TNIK: variants seen among roughly 807,000 people sequenced by gnomAD.
The protein encoded by TNIK is TRAF2 and NCK interacting kinase.
TNIK carries 49 observed loss-of-function variants against 191.3 expected under a neutral mutation model. The observed-to-expected ratio is 0.26, with a 90% CI of 0.20 to 0.32. The LOEUF (loss-of-function observed/expected upper bound fraction) is 0.32. Among genes scored for constraint, TNIK ranks in the 10% least tolerant of loss-of-function variants. The pLI, the probability that TNIK is intolerant of heterozygous loss-of-function variation, is 1.00. For missense variants in TNIK, 1,155 were observed against 1,702.3 expected, an observed-to-expected ratio of 0.68 and a Z score of 5.66; for synonymous variants, 594 against 600.9, an observed-to-expected ratio of 0.99 and a Z score of 0.17.
Position 171,122,591 on chromosome 3 carries a change from T to G in TNIK, c.2120+1005A>C, listed in dbSNP as rs572375929. 2.0e-5 allele frequency among the ~76,000 whole-genome samples: 3 copies of G among 152,352 alleles called. No homozygotes were observed. The South Asian group carries it at 6.2e-4, about 32-fold the overall frequency. ...GCTGGGCTGACCCCTTCCCTAAGGC[T>G]TTTCATGTGAAGAGGAAAATTAAAA... On this transcript the variant is annotated intron_variant, in intron 18 of 32. Transcript: ENST00000436636.
intron 2 of TNIK, among the ~76,000 whole-genome samples, chr3:171,343,897 A>G (rs1284135260): frequency 6.6e-6 from 1 of 152,198 alleles, no homozygotes; most frequent in Non-Finnish European, 1.5e-5. Flanking sequence ...TCAGTAAAAC[A>G]AAAGGGGGAG....
chr3:171,184,594 G>A (rs1303150868), intron 7 of TNIK, among the ~76,000 whole-genome samples: 1 of 152,184 alleles, frequency 6.6e-6, no homozygotes, highest in African/African-American at 2.4e-5. Context: ...GAATAGGGAA[G>A]GACCTTTGTT....
intron 2 of TNIK, among the ~76,000 whole-genome samples, chr3:171,235,460 C>T (rs1326984609): frequency 6.6e-6 from 1 of 151,956 alleles, no homozygotes; most frequent in Non-Finnish European, 1.5e-5. Flanking sequence ...CCAAATATCC[C>T]ACTCCTCCCC....
At chr3:171,254,782 C>T (rs114510184) in intron 2 of TNIK, among the ~76,000 whole-genome samples, 90 of 152,214 alleles carry the variant, frequency 5.9e-4, no homozygotes, top group African/African-American at 2.1e-3. Flanking sequence ...AACACAATAG[C>T]GACTCGTTCC....
In TNIK at chr3:171,320,373, C is replaced by T. The variant is rs566813554; in HGVS notation, c.123+49247G>A. On this transcript the variant is annotated intron_variant, in intron 2 of 32. Coordinates refer to ENST00000436636, the MANE Select transcript of TNIK (RefSeq NM_015028.4). ...AAAATGGTCTACAAATAAAAGATTACATCCAGAAGATAAAAAGAAAATACA... is the reference window on the plus strand; with the variant it reads ...AAAATGGTCTACAAATAAAAGATTATATCCAGAAGATAAAAAGAAAATACA... Among the ~76,000 whole-genome samples, 5 of 152,192 alleles carry T rather than the reference C, an allele frequency of 3.3e-5. No homozygotes were observed. In the South Asian group the frequency reaches 8.3e-4, roughly 25 times the overall value.
chr3:171,083,920 C>T (rs1044992937), intron 26 of TNIK, among the ~76,000 whole-genome samples: 2 of 152,104 alleles, frequency 1.3e-5, no homozygotes, highest in Non-Finnish European at 2.9e-5. Flanking sequence ...TATTGTGTGA[C>T]AAGGTTGCTC....
At chr3:171,287,270 T>G (rs1040083590) in intron 2 of TNIK, among the ~76,000 whole-genome samples, 9 of 152,236 alleles carry the variant, frequency 5.9e-5, no homozygotes, top group African/African-American at 2.2e-4. Flanking sequence ...AAGAAAATTT[T>G]CAACTATTAG....
chr3:171,409,604 C>G (rs76690107), intron 1 of TNIK, among the ~76,000 whole-genome samples: 3 of 151,520 alleles, frequency 2.0e-5, no homozygotes, highest in South Asian at 2.1e-4. Flanking sequence ...ATAAACAGAC[C>G]AAAACAAGGC....
At chr3:171,380,905 T>C (rs902954) in intron 1 of TNIK, among the ~76,000 whole-genome samples, 112,400 of 152,210 alleles carry the variant, frequency 0.74, 41,744 homozygotes, top group East Asian at 0.94. Context: ...AGGAGCCCAA[T>C]AATAGCTACC....
chr3:171,416,671 A>T (rs527957856), intron 1 of TNIK, among the ~76,000 whole-genome samples: 16 of 152,190 alleles, frequency 1.1e-4, no homozygotes, highest in African/African-American at 3.4e-4. Context: ...AATCACATAC[A>T]TCTCATCACA....
chr3:171,259,675 T>G (rs550503055), intron 2 of TNIK, among the ~76,000 whole-genome samples: 2 of 152,264 alleles, frequency 1.3e-5, no homozygotes, highest in East Asian at 1.9e-4. Context: ...TAATAGAAAT[T>G]AAGGCAAAAA....
chr3:171,223,660 C>G (rs919045981), intron 3 of TNIK, among the ~76,000 whole-genome samples: 2 of 152,130 alleles, frequency 1.3e-5, no homozygotes, highest in South Asian at 2.1e-4. Context: ...AATCATGGAA[C>G]CTGCTTGGTT....
At chr3:171,370,104 G>A (rs1716289634) in intron 1 of TNIK, among the ~76,000 whole-genome samples, 1 of 152,190 alleles carries the variant, frequency 6.6e-6, no homozygotes, top group Non-Finnish European at 1.5e-5. Context: ...ATTGTGTTGA[G>A]TGAGCCCTGG....
At chr3:171,102,151 T>A (rs924070059) in intron 21 of TNIK, 2 of 152,224 alleles carry the variant, frequency 1.3e-5, no homozygotes, top group African/African-American at 4.8e-5. Context: ...TGGTGTGTCA[T>A]CATTCCCTGG....
At chr3:171,319,377 A>AT (rs1754956113) in intron 2 of TNIK, among the ~76,000 whole-genome samples, 1 of 152,196 alleles carries the variant, frequency 6.6e-6, no homozygotes, top group Admixed American at 6.5e-5. Context: ...GGAATTTAGC[A>AT]TGAAGACAAG....
At chr3:171,432,546 C>T (rs1368504091) in intron 1 of TNIK, among the ~76,000 whole-genome samples, 1 of 152,188 alleles carries the variant, frequency 6.6e-6, no homozygotes. Context: ...GACGGAAAAT[C>T]AGGTTAACTA....
At chr3:171,295,924 A>AT (rs946227792) in intron 2 of TNIK, among the ~76,000 whole-genome samples, 4 of 152,254 alleles carry the variant, frequency 2.6e-5, no homozygotes, top group African/African-American at 9.6e-5. Context: ...AGAGGGCCTA[A>AT]TGCAAGGTCG....
At chr3:171,316,969 ATATGATATATATCATATAAAATATATAAT>A (rs1754690133) in intron 2 of TNIK, among the ~76,000 whole-genome samples, 1 of 139,260 alleles carries the variant, frequency 7.2e-6, no homozygotes, top group Non-Finnish European at 1.5e-5. Context: ...ATATATAATT[ATATGATATATATCATATAAAATATATAAT>A]TATATGATAT....
In TNIK at chr3:171,059,589, G is replaced by A. The variant is rs1351871255; in HGVS notation, c.*4292C>T. Among the ~76,000 whole-genome samples the A allele has an allele frequency of 6.6e-6, 1 of 152,036 alleles. No homozygotes were observed. The highest frequency in any genetic ancestry group is 1.5e-5 in the Non-Finnish European group (1 of 68,002). On this transcript the variant is annotated 3_prime_UTR_variant, in exon 33 of 33. Coordinates refer to ENST00000436636, the MANE Select transcript of TNIK (RefSeq NM_015028.4). ...TCTCAAGAGGTTTTCTTCTTTGCTGGGACTCCTGAAAAGTGATCAATTTTA... is the reference window on the plus strand; with the variant it reads ...TCTCAAGAGGTTTTCTTCTTTGCTGAGACTCCTGAAAAGTGATCAATTTTA...
Sources: allele counts gnomAD v4.1 joint callset (sites outside exome capture counted in the v4.1 genomes callset), GRCh38; gene constraint gnomAD v4.1.1; transcripts MANE v1.5; gene names NCBI Gene and HGNC (gene_info 2026-07-23, HGNC 2026-07-21).